PEX14: variants seen among roughly 807,000 people sequenced by gnomAD.
The protein encoded by PEX14 is peroxisomal membrane protein PEX14.
A neutral mutation model predicts 49.5 loss-of-function variants in PEX14; 15 were observed. The observed-to-expected ratio is 0.30, with a 90% confidence interval of 0.20 to 0.47. The LOEUF (loss-of-function observed/expected upper bound fraction) is 0.47, where lower values mean the gene tolerates loss of function less well. Ranked by LOEUF, PEX14 falls within the 20% of genes least tolerant of loss-of-function variation. The pLI is 1.00. For synonymous variants in PEX14, 210 were observed against 212.7 expected (o/e 0.99, Z 0.11); for missense variants, 398 against 494.8 (o/e 0.80, Z 1.86).
chr1:10,530,608 G>A (rs1033857315), intron 2 of PEX14, among the ~76,000 whole-genome samples: 2 of 152,148 alleles, frequency 1.3e-5, no homozygotes, highest in Non-Finnish European at 2.9e-5. Context: ...CCTTGTCCTT[G>A]CAGAGGCGCG....
At chr1:10,487,477 CTTTCTTTTTTTTTT>C in intron 1 of PEX14, among the ~76,000 whole-genome samples, 1 of 109,050 alleles carries the variant, frequency 9.2e-6, no homozygotes, top group South Asian at 3.4e-4. Flanking sequence ...CTTTTTCTTT[CTTTCTTTTTTTTTT>C]TTTTTTTTTT....
rs115823253 is a variant in PEX14 at position 10,615,219 on chromosome 1, C to T, written c.299-3113C>T. ...AAATTTGTATAAAAACCTCTGCATG[C>T]GACAAAACACCATTAGCAGAGTCAA... On this transcript the variant is annotated intron_variant, in intron 4 of 8. Coordinates refer to ENST00000356607, the MANE Select transcript of PEX14 (RefSeq NM_004565.3). Among the ~76,000 whole-genome samples, 1,168 of 152,182 alleles carry T rather than the reference C, an allele frequency of 7.7e-3. 19 individuals are homozygous for T. Among genetic ancestry groups the T allele is most frequent in the African/African-American group, 0.025 (1,057 of 41,498 alleles).
intron 2 of PEX14, among the ~76,000 whole-genome samples, chr1:10,524,862 ATTTT>A (rs981755323): frequency 6.6e-6 from 1 of 151,596 alleles, no homozygotes; most frequent in Admixed American, 6.6e-5. Context: ...AAAAAAACAA[ATTTT>A]TTTTTGAAAC....
chr1:10,584,834 G>T (rs1035837254), intron 3 of PEX14, among the ~76,000 whole-genome samples: 2 of 152,164 alleles, frequency 1.3e-5, no homozygotes, highest in African/African-American at 4.8e-5. Context: ...TGGAAACATA[G>T]AAATGGCAGG....
At chr1:10,565,784 C>T (rs1408222905) in intron 3 of PEX14, among the ~76,000 whole-genome samples, 1 of 151,844 alleles carries the variant, frequency 6.6e-6, no homozygotes. Flanking sequence ...GAGGCTGAGG[C>T]AGGAGGATTG....
At position 10,537,341 on chromosome 1, in the gene PEX14, A is replaced by AACCCCCCCCC. The variant is rs1553187430; in HGVS notation, c.169+1044_169+1045insACCCCCCCCC. Reference sequence around the variant, plus strand: ...TGCTCACTGGCTGCATTGTGCCAGCACCCCCCCCCCCCGCCATCATTAGGA... The same window carrying AACCCCCCCCC: ...TGCTCACTGGCTGCATTGTGCCAGCAACCCCCCCCCCCCCCCCCCCCCGCCATCATTAGGA... On this transcript the variant is annotated intron_variant, in intron 3 of 8. Transcript: ENST00000356607. Among the ~76,000 whole-genome samples the AACCCCCCCCC allele has an allele frequency of 3.2e-4, 9 of 28,450 alleles. 1 individual carries two copies. The highest frequency in any genetic ancestry group is 8.4e-4 in the African/African-American group (6 of 7,112). The allele number at this position is 28,450 out of a possible 152,430, so 18.7% of individuals were successfully genotyped here.
At chr1:10,476,914 A>G (rs1641205371) in intron 1 of PEX14, among the ~76,000 whole-genome samples, 1 of 152,020 alleles carries the variant, frequency 6.6e-6, no homozygotes, top group Non-Finnish European at 1.5e-5. Flanking sequence ...CCCTCTCTGT[A>G]TATGTATTTA....
intron 2 of PEX14, among the ~76,000 whole-genome samples, chr1:10,513,075 A>AT (rs1395520211): frequency 2.6e-5 from 4 of 151,912 alleles, no homozygotes; most frequent in Non-Finnish European, 5.9e-5. Context: ...ATTAGAATAC[A>AT]TTTTTTTTCC....
At chr1:10,609,821 GT>G (rs879283235) in intron 4 of PEX14, among the ~76,000 whole-genome samples, 4 of 152,062 alleles carry the variant, frequency 2.6e-5, no homozygotes, top group Non-Finnish European at 5.9e-5. Flanking sequence ...GGAGGCGGAG[GT>G]TGCAGTGAGT....
chr1:10,599,378 G>C lies in PEX14; in HGVS notation c.298+12G>C. ...ATCTCAGCCATACAGTAAGTCACCC[G>C]CTCAAACTCCTGCTTAACCTTGATT... On this transcript the variant is annotated intron_variant, in intron 4 of 8. Coordinates refer to ENST00000356607, the MANE Select transcript of PEX14 (RefSeq NM_004565.3). 1 of 1,613,930 alleles carries C rather than the reference G, an allele frequency of 6.2e-7. No individual in the cohort carries two copies. The highest frequency in any genetic ancestry group is 1.3e-5 in the African/African-American group (1 of 75,040).
intron 1 of PEX14, among the ~76,000 whole-genome samples, chr1:10,476,298 G>A (rs1570119965): frequency 1.3e-5 from 2 of 152,316 alleles, no homozygotes; most frequent in East Asian, 3.9e-4. Flanking sequence ...GTAAAACATG[G>A]GAGATAACAA....
At chr1:10,600,990 G>A (rs1202426281) in intron 4 of PEX14, among the ~76,000 whole-genome samples, 42 of 148,860 alleles carry the variant, frequency 2.8e-4, no homozygotes, top group African/African-American at 9.4e-4. Context: ...GGCCGGGCGC[G>A]GTGGCTCACG....
chr1:10,574,987 T>C (rs1225079404), intron 3 of PEX14, among the ~76,000 whole-genome samples: 1 of 151,670 alleles, frequency 6.6e-6, no homozygotes, highest in Non-Finnish European at 1.5e-5. Flanking sequence ...TGGTGTGCAC[T>C]TGTAGTCCCA....
At chr1:10,543,536 C>T (rs1639079460) in intron 3 of PEX14, among the ~76,000 whole-genome samples, 1 of 152,066 alleles carries the variant, frequency 6.6e-6, no homozygotes, top group Non-Finnish European at 1.5e-5. Context: ...GACGCATGTG[C>T]CAGTCGCTGG....
At chr1:10,476,570 G>A (rs1557800813) in intron 1 of PEX14, among the ~76,000 whole-genome samples, 2 of 151,778 alleles carry the variant, frequency 1.3e-5, no homozygotes, top group Admixed American at 6.6e-5. Context: ...GCGCAATCTC[G>A]GCTCACTGCC....
intron 1 of PEX14, among the ~76,000 whole-genome samples, chr1:10,481,117 C>CTT (rs577625301): frequency 7.1e-6 from 1 of 141,326 alleles, no homozygotes; most frequent in African/African-American, 2.6e-5. Flanking sequence ...TCTCTTTAGT[C>CTT]TTTTTTTTTT....
chr1:10,585,349 A>G (rs537384458), intron 3 of PEX14, among the ~76,000 whole-genome samples: 1 of 152,302 alleles, frequency 6.6e-6, no homozygotes, highest in South Asian at 2.1e-4. Flanking sequence ...ACAGGAGAGA[A>G]AAGAGAGCAC....
intron 3 of PEX14, among the ~76,000 whole-genome samples, chr1:10,542,969 A>G (rs908805428): frequency 1.3e-5 from 2 of 152,184 alleles, no homozygotes; most frequent in Admixed American, 6.5e-5. Flanking sequence ...CTTAAATTTC[A>G]TGGGATTATG....
chr1:10,577,847 A>G (rs865852527), intron 3 of PEX14, among the ~76,000 whole-genome samples: 1 of 150,960 alleles, frequency 6.6e-6, no homozygotes, highest in African/African-American at 2.4e-5. Context: ...GTGATCTGCT[A>G]TACCCAGCCT....
Sources: allele counts gnomAD v4.1 joint callset (sites outside exome capture counted in the v4.1 genomes callset), GRCh38; gene constraint gnomAD v4.1.1; transcripts MANE v1.5; gene names NCBI Gene and HGNC (gene_info 2026-07-23, HGNC 2026-07-21).